KRT86: variants seen among roughly 807,000 people sequenced by gnomAD.
KRT86 encodes the protein keratin, type II cuticular Hb6.
A neutral mutation model predicts 41.2 loss-of-function variants in KRT86; 30 were observed. The observed-to-expected ratio is 0.73, with a 90% CI of 0.54 to 0.99. KRT86 has a LOEUF of 0.99. Among genes scored for constraint, KRT86 ranks in the 50% least tolerant of loss-of-function variants. The pLI is 0.00. For synonymous variants in KRT86, 238 were observed against 238.1 expected, an observed-to-expected ratio of 1.00 and a Z score of 0.00; for missense variants, 561 against 571.4, an observed-to-expected ratio of 0.98 and a Z score of 0.19.
chr12:52,291,677 G>C (rs1024182767), intron 2 of KRT86: 2 of 674,506 alleles, frequency 3.0e-6, no homozygotes. Flanking sequence ...TTTAATGGGG[G>C]AGTGGCCTGC....
rs986603016 is a variant in KRT86 at position 52,276,035 on chromosome 12, G to T, written c.-5+89G>T. ...AACTGCCCCTCCCCACCTACCCTTT[G>T]GATTAGATGGCTACACTTTCTCTTA... On this transcript the variant is annotated intron_variant, in intron 2 of 10. Coordinates refer to ENST00000423955, the MANE Select transcript of KRT86 (RefSeq NM_001320198.2). 1.5e-5 allele frequency: 15 copies of T among 984,214 alleles called. No homozygotes were observed. In the Admixed American group the frequency reaches 8.0e-4, roughly 52 times the overall value. 61.0% of individuals were successfully genotyped at this position (984,214 alleles called of 1,614,324 possible).
At chr12:52,282,257 A>G (rs10876261) in intron 2 of KRT86, among the ~76,000 whole-genome samples, 38,660 of 148,908 alleles carry the variant, frequency 0.26, 5,733 homozygotes, top group East Asian at 0.39. Flanking sequence ...TTTTGAGACA[A>G]AGCCTTGCTC....
intron 2 of KRT86, among the ~76,000 whole-genome samples, chr12:52,285,282 T>C (rs547324420): frequency 1.3e-5 from 2 of 152,114 alleles, no homozygotes; most frequent in East Asian, 3.9e-4. Context: ...TGCCACATCA[T>C]CTTGCTATGT....
chr12:52,286,816 A>G (rs1195506286), intron 2 of KRT86: 2 of 1,613,998 alleles, frequency 1.2e-6, no homozygotes, highest in Admixed American at 3.3e-5. Context: ...CAATGCCTTC[A>G]CATAGCCTGA....
chr12:52,301,779 A>G, intron 2 of KRT86, 134 bp from the exon 3 acceptor site: 1 of 1,584,526 alleles, frequency 6.3e-7, no homozygotes, highest in Non-Finnish European at 8.6e-7. Flanking sequence ...AATTGCTCCG[A>G]CCCACGTGGT....
Position 52,286,404 on chromosome 12 carries a change from A to G in KRT86, c.-5+10458A>G, listed in dbSNP as rs1333242368. On this transcript the variant is annotated intron_variant, in intron 2 of 10. Transcript: ENST00000423955. ...GTGCTCACCGCCACGTTCCCGTTGC[A>G]CGGAGCGCTGCAGACACTGCCAGTC... The G allele has an allele frequency of 2.6e-6, 4 of 1,554,720 alleles. No homozygotes were observed. In the South Asian group the frequency reaches 4.7e-5, roughly 18 times the overall value.
intron 7 of KRT86, 113 bp downstream of exon 7, chr12:52,305,517 G>A: frequency 6.3e-7 from 1 of 1,599,326 alleles, no homozygotes; most frequent in East Asian, 2.2e-5. Flanking sequence ...AGAGATGGCT[G>A]CCACTCTGAT....
intron 8 of KRT86, 104 bp from the exon 9 acceptor site, chr12:52,305,956 T>G (rs1015846045): frequency 2.5e-6 from 4 of 1,569,020 alleles, no homozygotes; most frequent in Non-Finnish European, 1.7e-6. Context: ...CAAGAGGCTC[T>G]GTTCTGGGGT....
chr12:52,301,163 G>C (rs1565747098), intron 2 of KRT86, among the ~76,000 whole-genome samples: 1 of 151,724 alleles, frequency 6.6e-6, no homozygotes, highest in Non-Finnish European at 1.5e-5. Flanking sequence ...ATGTGAAAGA[G>C]AGAGGGGGGG....
rs1480690407 is a variant in KRT86, at chr12:52,291,550, C to A, written c.-4-10363C>A. The A allele has an allele frequency of 2.2e-5, 34 of 1,565,990 alleles. No homozygotes were observed. In the Admixed American group the frequency reaches 6.1e-4, roughly 28 times the overall value. ...AACTCCAATGTGCTCCTCAGGGCAC[C>A]GCAGCCCTATTTATGCGCAGATTCT... On this transcript the variant is annotated intron_variant, in intron 2 of 10. Coordinates refer to ENST00000423955, the MANE Select transcript of KRT86 (RefSeq NM_001320198.2).
At chr12:52,294,923 T>A (rs144637032) in intron 2 of KRT86, among the ~76,000 whole-genome samples, 1 of 152,236 alleles carries the variant, frequency 6.6e-6, no homozygotes, top group Non-Finnish European at 1.5e-5. Flanking sequence ...TTTCATTAAA[T>A]GTTGCTTCCT....
chr12:52,287,725 G>C (rs1466029110), intron 2 of KRT86: 6 of 1,613,964 alleles, frequency 3.7e-6, no homozygotes, highest in Non-Finnish European at 5.1e-6. Context: ...CCTCACACTG[G>C]GGGAAGTAGA....
intron 9 of KRT86, 78 bp downstream of exon 9, chr12:52,306,358 T>A (rs1938519403): frequency 6.2e-7 from 1 of 1,606,872 alleles, no homozygotes; most frequent in Non-Finnish European, 8.5e-7. Context: ...CCTGGCAGCA[T>A]TTAAGTTTTG....
chr12:52,300,395 AG>A (rs1306849864), intron 2 of KRT86, among the ~76,000 whole-genome samples: 2 of 152,212 alleles, frequency 1.3e-5, no homozygotes, highest in African/African-American at 4.8e-5. Context: ...ACTGCCCCTG[AG>A]CCCACCGCTT....
chr12:52,278,501 T>C (rs1311533169), intron 2 of KRT86, among the ~76,000 whole-genome samples: 1 of 150,640 alleles, frequency 6.6e-6, no homozygotes, highest in African/African-American at 2.5e-5. Flanking sequence ...AAGTGAGTTA[T>C]ATGAATTTAA....
Position 52,308,639 on chromosome 12 carries a change from C to A in KRT86, c.*54C>A. 1 of 1,543,006 alleles carries A rather than the reference C, an allele frequency of 6.5e-7. No homozygotes were observed. Among genetic ancestry groups the A allele is most frequent in the Non-Finnish European group, 8.8e-7 (1 of 1,138,490 alleles). ...GCCGTCACTCTCCACCCAGCCAGTACCTCGCGCCACCAGAACGCGCCGCCC... is the reference window on the plus strand; with the variant it reads ...GCCGTCACTCTCCACCCAGCCAGTAACTCGCGCCACCAGAACGCGCCGCCC... On this transcript the variant is annotated 3_prime_UTR_variant, in exon 11 of 11. Transcript: ENST00000423955.
At chr12:52,308,162 C>A in intron 9 of KRT86, 71 bp from the exon 10 acceptor site, 7 of 1,590,070 alleles carry the variant, frequency 4.4e-6, no homozygotes, top group Non-Finnish European at 6.0e-6. Context: ...CACAGATGTC[C>A]CCCTCCACTT....
chr12:52,307,557 G>A (rs191549857), intron 9 of KRT86, among the ~76,000 whole-genome samples: 14 of 152,320 alleles, frequency 9.2e-5, no homozygotes, highest in African/African-American at 2.6e-4. Context: ...TGTGGGGTGG[G>A]TAGAAATGAG....
At chr12:52,282,745 C>G (rs1368728134) in intron 2 of KRT86, among the ~76,000 whole-genome samples, 2 of 152,216 alleles carry the variant, frequency 1.3e-5, no homozygotes. Context: ...GCCCCACTCC[C>G]CATCGGTGAC....
Sources: allele counts gnomAD v4.1 joint callset (sites outside exome capture counted in the v4.1 genomes callset), GRCh38; gene constraint gnomAD v4.1.1; transcripts MANE v1.5; gene names NCBI Gene and HGNC (gene_info 2026-07-23, HGNC 2026-07-21).